LUZP1: variants seen among roughly 807,000 people sequenced by gnomAD.
LUZP1 encodes filamin mechanobinding actin cross-linking protein.
LUZP1 carries 25 observed loss-of-function variants against 71.3 expected under a neutral mutation model. That is an observed-to-expected ratio of 0.35 (90% CI 0.26 to 0.49). The LOEUF (loss-of-function observed/expected upper bound fraction) is 0.49, where lower values mean the gene tolerates loss of function less well. LUZP1 is among the 20% of genes least tolerant of loss of function. The pLI, the probability that LUZP1 is intolerant of heterozygous loss-of-function variation, is 0.99. For synonymous variants in LUZP1, 481 were observed against 506.4 expected (o/e 0.95, Z 0.67); for missense variants, 1,142 against 1,300.8 (o/e 0.88, Z 1.88).
exon 4 of LUZP1, chr1:23,091,824 G>A: frequency 1.9e-6 from 3 of 1,614,040 alleles, no homozygotes; most frequent in African/African-American, 1.3e-5. Flanking sequence ...CTCCCTCAGG[G>A]CCTCACCCGG....
At chr1:23,090,654 G>T in intron 4 of LUZP1, 1 of 593,114 alleles carries the variant, frequency 1.7e-6, no homozygotes, top group Non-Finnish European at 3.0e-6. Flanking sequence ...CTTGGAATTG[G>T]GTATACGCTT....
rs185300507 is a variant in LUZP1 at position 23,158,435 on chromosome 1, G to A, written c.-226+10331C>T. On this transcript the variant is annotated intron_variant, in intron 2 of 4. Transcript: ENST00000302291. ...GAAGGCCAAGGCAGGCAGATCACGCGGTCAGGAGTTCGAGACCAGCCTGGC... is the reference window on the plus strand; with the variant it reads ...GAAGGCCAAGGCAGGCAGATCACGCAGTCAGGAGTTCGAGACCAGCCTGGC... Among the ~76,000 whole-genome samples the A allele has an allele frequency of 1.8e-4, 28 of 152,166 alleles. No individual in the cohort carries two copies. The East Asian group carries it at 3.9e-3, about 21-fold the overall frequency.
At chr1:23,146,769 C>G (rs1172991312) in intron 2 of LUZP1, among the ~76,000 whole-genome samples, 3 of 152,050 alleles carry the variant, frequency 2.0e-5, no homozygotes, top group Non-Finnish European at 4.4e-5. Flanking sequence ...TGTACTCCAG[C>G]CTTGGTGACA....
chr1:23,128,346 T>C (rs775909060), intron 2 of LUZP1, among the ~76,000 whole-genome samples: 16 of 152,098 alleles, frequency 1.1e-4, no homozygotes, highest in Non-Finnish European at 2.4e-4. Context: ...AAGACATGGA[T>C]GTGAAGTAAA....
At chr1:23,096,046 A>G (rs1643890137) in intron 3 of LUZP1, among the ~76,000 whole-genome samples, 1 of 152,174 alleles carries the variant, frequency 6.6e-6, no homozygotes, top group African/African-American at 2.4e-5. Flanking sequence ...AAGTCAAGTA[A>G]AAAAGAACCA....
chr1:23,138,693 GTGTGTATATATA>G (rs1343222518), intron 2 of LUZP1, among the ~76,000 whole-genome samples: 73 of 107,238 alleles, frequency 6.8e-4, no homozygotes, highest in East Asian at 5.5e-3. Context: ...GTGTGTGTGT[GTGTGTATATATA>G]TATATATATA....
chr1:23,126,716 C>A (rs1283781373), intron 2 of LUZP1, among the ~76,000 whole-genome samples: 1 of 152,190 alleles, frequency 6.6e-6, no homozygotes, highest in Non-Finnish European at 1.5e-5. Flanking sequence ...ATTGACCATA[C>A]TGTCAGCTGT....
intron 2 of LUZP1, among the ~76,000 whole-genome samples, chr1:23,138,663 T>TGTGTGTGTGTGTGTGTGTGTG (rs1553140068): frequency 8.0e-6 from 1 of 125,610 alleles, no homozygotes; most frequent in Non-Finnish European, 1.6e-5. Flanking sequence ...GATTATGTGT[T>TGTGTGTGTGTGTGTGTGTGTG]TGTGTGTGTG....
At chr1:23,162,690 A>G (rs1644477923) in intron 2 of LUZP1, 1 of 152,160 alleles carries the variant, frequency 6.6e-6, no homozygotes, top group South Asian at 2.1e-4. Context: ...TGTCCAGATA[A>G]AAACAGGAAT....
At chr1:23,171,099 A>AATATAT (rs544526974) in intron 1 of LUZP1, among the ~76,000 whole-genome samples, 2 of 139,446 alleles carry the variant, frequency 1.4e-5, no homozygotes, top group Admixed American at 7.3e-5. Context: ...AAAAAAAAAA[A>AATATAT]ATATATATAT....
intron 2 of LUZP1, 118 bp downstream of exon 1, chr1:23,168,648 G>C (rs963568033): frequency 2.0e-5 from 3 of 149,702 alleles, no homozygotes; most frequent in African/African-American, 7.5e-5. Context: ...CTGCGCCCGC[G>C]GTTTCTTCTG....
chr1:23,116,273 C>T (rs1294557607), intron 2 of LUZP1, among the ~76,000 whole-genome samples: 1 of 151,970 alleles, frequency 6.6e-6, no homozygotes, highest in Non-Finnish European at 1.5e-5. Flanking sequence ...CCCAGCTACT[C>T]GGGTGGCTGA....
chr1:23,139,481 A>C (rs1218084243), intron 2 of LUZP1, among the ~76,000 whole-genome samples: 1 of 152,112 alleles, frequency 6.6e-6, no homozygotes, highest in African/African-American at 2.4e-5. Flanking sequence ...AGCAAGACCA[A>C]GCCTTCCTCT....
At chr1:23,165,859 A>C (rs1029915100) in intron 2 of LUZP1, among the ~76,000 whole-genome samples, 1 of 152,054 alleles carries the variant, frequency 6.6e-6, no homozygotes, top group African/African-American at 2.4e-5. Flanking sequence ...TACCTTAATG[A>C]TGGCCGCTTT....
chr1:23,118,015 G>A (rs935689837), intron 2 of LUZP1, among the ~76,000 whole-genome samples: 7 of 151,876 alleles, frequency 4.6e-5, no homozygotes, highest in Admixed American at 6.6e-5. Context: ...GCTTGAACCC[G>A]GGAGGTGGAG....
At position 23,093,438 on chromosome 1, in the gene LUZP1, G is replaced by A; in HGVS notation, c.824C>T (p.Ser275Leu). 6.2e-7 allele frequency: 1 copy of A among 1,613,228 alleles called. No individual in the cohort carries two copies. The highest frequency in any genetic ancestry group is 8.5e-7 in the Non-Finnish European group (1 of 1,179,854). ...CTGATTGCGGTTCTTTTCATTTTCT[G>A]ATTTGTTTCTTGTTTCATTCTCTAC... Residue 275 changes from serine to leucine, a missense_variant, in exon 4 of 5, where the codon TCA (serine) becomes TTA (leucine). By Grantham distance (145) the Ser-to-Leu change is moderately radical (BLOSUM62 -2). Transcript: ENST00000302291. This position sits in a 1 kb window ranked among gnomAD's most constrained non-coding sequence, Gnocchi z 4.2.
exon 4 of LUZP1, chr1:23,092,116 C>T (rs1390209926): frequency 1.2e-6 from 2 of 1,614,082 alleles, no homozygotes; most frequent in South Asian, 2.2e-5. Context: ...TTCACAGATT[C>T]ATTCTCCATT....
rs145491662 is a variant in LUZP1 at position 23,138,037 on chromosome 1, C to G, written c.-225-28910G>C. Among the ~76,000 whole-genome samples, 117 of 152,322 alleles carry G rather than the reference C, an allele frequency of 7.7e-4. 1 individual carries two copies. The East Asian group carries it at 0.018, about 24-fold the overall frequency. ...CCAGGTTGGAGTGCAATGGCACGAT[C>G]TCAGCTCACTGCAACCTCTACCTCC... On this transcript the variant is annotated intron_variant, in intron 2 of 4. Transcript: ENST00000302291.
intron 2 of LUZP1, among the ~76,000 whole-genome samples, chr1:23,135,023 T>C (rs1644243219): frequency 6.6e-6 from 1 of 152,040 alleles, no homozygotes; most frequent in Non-Finnish European, 1.5e-5. Flanking sequence ...GAAAGCTCAA[T>C]ACAAAAACTC....
Sources: gnomAD v4.1 joint callset for allele counts (sites outside exome capture counted in the v4.1 genomes callset) on GRCh38, gnomAD v4.1.1 for gene constraint, Gnocchi (gnomAD v3.1) non-coding constraint, MANE v1.5 for transcripts, NCBI Gene and HGNC (gene_info 2026-07-23, HGNC 2026-07-21) for gene names.